Variants in NALF1 observed in about 807,000 individuals in gnomAD.
NALF1 encodes the protein NALCN channel auxiliary factor 1.
Under a neutral mutation model 48.4 loss-of-function variants are expected in NALF1, and 3 were observed. The observed-to-expected ratio is 0.06, with a 90% CI of 0.03 to 0.16. The LOEUF is 0.16. NALF1 is among the 10% of genes least tolerant of loss of function. The pLI is 1.00. For synonymous variants in NALF1, 262 were observed against 245.7 expected (o/e 1.07, Z -0.62); for missense variants, 526 against 571.5 (o/e 0.92, Z 0.81).
At chr13:107,682,123 C>A (rs1485241286) in intron 1 of NALF1, among the ~76,000 whole-genome samples, 2 of 152,160 alleles carry the variant, frequency 1.3e-5, no homozygotes, top group Admixed American at 1.3e-4. Context: ...CTAACCAGAC[C>A]CTGCTTTCTC....
chr13:107,699,788 A>C (rs1310669693), intron 1 of NALF1, among the ~76,000 whole-genome samples: 1 of 152,094 alleles, frequency 6.6e-6, no homozygotes, highest in African/African-American at 2.4e-5. Flanking sequence ...TCCACACACA[A>C]AAAAACTGTT....
rs188897821 is a variant in NALF1 at position 107,676,550 on chromosome 13, C to T, written c.915+189132G>A. Among the ~76,000 whole-genome samples the T allele has an allele frequency of 3.2e-3, 478 of 150,032 alleles. 4 individuals carry two copies. Among genetic ancestry groups the T allele is most frequent in the Non-Finnish European group, 4.5e-3 (308 of 67,962 alleles). ...ATAGCCCTTTGTCATACAGACAAAA[C>T]GTTGTTATCACAGCATTTTATGTGA... On this transcript the variant is annotated intron_variant, in intron 1 of 2. Transcript: ENST00000375915.
chr13:107,732,071 T>G (rs1692645603), intron 1 of NALF1, among the ~76,000 whole-genome samples: 1 of 152,126 alleles, frequency 6.6e-6, no homozygotes, highest in Admixed American at 6.6e-5. Context: ...TCACATATTA[T>G]CACCCTCATT....
At chr13:107,757,863 A>T (rs1384863326) in intron 1 of NALF1, among the ~76,000 whole-genome samples, 1 of 152,234 alleles carries the variant, frequency 6.6e-6, no homozygotes. Context: ...CTGTCAAATC[A>T]TCTTGAGTTT....
At chr13:107,845,783 A>G (rs1880156161) in intron 1 of NALF1, among the ~76,000 whole-genome samples, 1 of 152,154 alleles carries the variant, frequency 6.6e-6, no homozygotes, top group South Asian at 2.1e-4. Context: ...ATTACAAGTG[A>G]ACAAAGTCTC....
chr13:107,413,030 A>G (rs1040004901), intron 1 of NALF1, among the ~76,000 whole-genome samples: 9 of 152,298 alleles, frequency 5.9e-5, no homozygotes, highest in African/African-American at 2.2e-4. Flanking sequence ...AAAATTTTAA[A>G]ATGTAACCTG....
intron 1 of NALF1, among the ~76,000 whole-genome samples, chr13:107,801,202 G>A (rs530085367): frequency 6.6e-6 from 1 of 152,262 alleles, no homozygotes; most frequent in Non-Finnish European, 1.5e-5. Flanking sequence ...AGTGCCATTT[G>A]CTGTCACAGA....
intron 1 of NALF1, among the ~76,000 whole-genome samples, chr13:107,520,349 A>G (rs777785294): frequency 6.6e-5 from 10 of 152,186 alleles, no homozygotes; most frequent in Non-Finnish European, 1.5e-4. Context: ...TAAGCAACTT[A>G]CATTCCTTCA....
At chr13:107,726,224 T>A (rs1876145659) in intron 1 of NALF1, among the ~76,000 whole-genome samples, 1 of 152,206 alleles carries the variant, frequency 6.6e-6, no homozygotes, top group Non-Finnish European at 1.5e-5. Flanking sequence ...AATGCAACTC[T>A]CTTATGTTTT....
chr13:107,237,726 C>A (rs1399651092), intron 1 of NALF1, among the ~76,000 whole-genome samples: 1 of 152,120 alleles, frequency 6.6e-6, no homozygotes, highest in East Asian at 1.9e-4. Flanking sequence ...GATTTTCCAT[C>A]CACAGTTGAA....
chr13:107,808,685 ATGAC>A (rs1878887247), intron 1 of NALF1, among the ~76,000 whole-genome samples: 1 of 145,890 alleles, frequency 6.9e-6, no homozygotes, highest in Admixed American at 6.8e-5. Context: ...AAAAAAAAAA[ATGAC>A]TGCTTAGATA....
At chr13:107,819,814 T>C (rs1482682366) in intron 1 of NALF1, among the ~76,000 whole-genome samples, 1 of 151,784 alleles carries the variant, frequency 6.6e-6, no homozygotes, top group Non-Finnish European at 1.5e-5. Context: ...TTCCTCTTTT[T>C]CTCCTCTTTC....
chr13:107,659,685 T>C (rs1438311440), intron 1 of NALF1, among the ~76,000 whole-genome samples: 4 of 151,928 alleles, frequency 2.6e-5, no homozygotes, highest in Non-Finnish European at 5.9e-5. Context: ...ATATATACTT[T>C]TAAATTTATA....
intron 1 of NALF1, among the ~76,000 whole-genome samples, chr13:107,749,175 T>G (rs1303994449): frequency 1.3e-5 from 2 of 151,852 alleles, no homozygotes; most frequent in Non-Finnish European, 2.9e-5. Flanking sequence ...TCTACGTGTC[T>G]GTGTGTCACA....
chr13:107,721,229 A>C (rs1229829710), intron 1 of NALF1, among the ~76,000 whole-genome samples: 1 of 152,140 alleles, frequency 6.6e-6, no homozygotes, highest in African/African-American at 2.4e-5. Flanking sequence ...TCATGCACCA[A>C]ATTGTATGAA....
intron 1 of NALF1, among the ~76,000 whole-genome samples, chr13:107,753,599 G>T (rs943556365): frequency 1.2e-4 from 18 of 151,600 alleles, no homozygotes; most frequent in Non-Finnish European, 2.4e-4. Context: ...AACTCATTTG[G>T]TTTTTATTCA....
At chr13:107,647,451 C>T (rs1880342404) in intron 1 of NALF1, among the ~76,000 whole-genome samples, 1 of 149,310 alleles carries the variant, frequency 6.7e-6, no homozygotes. Context: ...GCATGGTGTA[C>T]TATGTTTTAT....
chr13:107,720,287 A>C (rs1008606716), intron 1 of NALF1, among the ~76,000 whole-genome samples: 2 of 152,174 alleles, frequency 1.3e-5, no homozygotes, highest in African/African-American at 4.8e-5. Context: ...CAAGGAGGGC[A>C]AACCATGAGG....
intron 1 of NALF1, among the ~76,000 whole-genome samples, chr13:107,686,585 G>A (rs1049667620): frequency 2.0e-5 from 3 of 151,900 alleles, no homozygotes; most frequent in African/African-American, 4.8e-5. Flanking sequence ...GTAGAGACGG[G>A]GTTTCACCGT....
Sources: allele counts gnomAD v4.1 joint callset (sites outside exome capture counted in the v4.1 genomes callset), GRCh38; gene constraint gnomAD v4.1.1; transcripts MANE v1.5; gene names NCBI Gene and HGNC (gene_info 2026-07-23, HGNC 2026-07-21).